The following IL1RAPL1 variants were observed in gnomAD, a reference collection of about 807,000 sequenced individuals.
IL1RAPL1 encodes the protein interleukin 1 receptor accessory protein like 1, also known as interleukin-1 receptor accessory protein-like 1.
IL1RAPL1 carries 3 observed loss-of-function variants against 48.4 expected under a neutral mutation model. The ratio of observed to expected loss-of-function variants is 0.06; its 90% confidence interval spans 0.03 to 0.16. The LOEUF (loss-of-function observed/expected upper bound fraction) is 0.16. IL1RAPL1 is among the 10% of genes least tolerant of loss of function. The pLI is 1.00. For synonymous variants in IL1RAPL1, 185 were observed against 187.7 expected (o/e 0.99, Z 0.12); for missense variants, 349 against 530.6 (o/e 0.66, Z 3.36).
intron 5 of IL1RAPL1, among the ~76,000 whole-genome samples, chrX:29,636,510 A>G (rs1364378368): frequency 8.9e-6 from 1 of 112,075 alleles, no homozygotes. Context: ...ATGCCTTATT[A>G]CAACATTAAT....
At chrX:29,892,277 G>A (rs778523683) in intron 6 of IL1RAPL1, among the ~76,000 whole-genome samples, 1 of 111,746 alleles carries the variant, frequency 8.9e-6, no homozygotes, top group East Asian at 2.8e-4. Flanking sequence ...TTGTTACCTT[G>A]TTTACTTGTG....
intron 2 of IL1RAPL1, among the ~76,000 whole-genome samples, chrX:29,025,364 C>G (rs1926461982): frequency 9.0e-6 from 1 of 111,423 alleles, no homozygotes; most frequent in African/African-American, 3.3e-5. Flanking sequence ...ACTTGGAGGA[C>G]CACATAGCCT....
chrX:29,348,044 T>C (rs1208635818), intron 3 of IL1RAPL1, among the ~76,000 whole-genome samples: 1 of 112,399 alleles, frequency 8.9e-6, no homozygotes, highest in Non-Finnish European at 1.9e-5. Flanking sequence ...ATTTCCCATT[T>C]AATATTGTTG....
chrX:29,782,020 G>T (rs1165026228), intron 6 of IL1RAPL1, among the ~76,000 whole-genome samples: 1 of 111,146 alleles, frequency 9.0e-6, no homozygotes, highest in Admixed American at 9.6e-5. Flanking sequence ...CTGATTGATT[G>T]GTTGTTTTAG....
chrX:29,910,381 A>G (rs919271222), intron 6 of IL1RAPL1, among the ~76,000 whole-genome samples: 1 of 109,370 alleles, frequency 9.1e-6, no homozygotes, highest in Non-Finnish European at 1.9e-5. Flanking sequence ...GAAAGTAAAA[A>G]TTTAAAAAAA....
chrX:28,832,822 A>ATTTT (rs199869467), intron 2 of IL1RAPL1, among the ~76,000 whole-genome samples: 11 of 80,384 alleles, frequency 1.4e-4, no homozygotes, highest in African/African-American at 5.4e-4. Flanking sequence ...ATTTTTTTCA[A>ATTTT]TTTTTTTTTT....
chrX:29,500,293 T>C (rs138239703), intron 5 of IL1RAPL1, among the ~76,000 whole-genome samples: 1,293 of 112,512 alleles, frequency 0.011, 16 homozygotes, highest in African/African-American at 0.04. Context: ...AATTATTCTT[T>C]TGTAGTTATT....
intron 2 of IL1RAPL1, among the ~76,000 whole-genome samples, chrX:28,838,483 C>G (rs1424492903): frequency 9.0e-6 from 1 of 110,560 alleles, no homozygotes; most frequent in Non-Finnish European, 1.9e-5. Context: ...AACAAAGATG[C>G]AGAAAAGAGA....
intron 6 of IL1RAPL1, among the ~76,000 whole-genome samples, chrX:29,732,019 T>C (rs1263134155): frequency 8.9e-6 from 1 of 112,181 alleles, no homozygotes; most frequent in Non-Finnish European, 1.9e-5. Context: ...ATATATAGTA[T>C]TGACTTCTGA....
At chrX:29,866,950 T>C (rs1483644256) in intron 6 of IL1RAPL1, among the ~76,000 whole-genome samples, 1 of 110,800 alleles carries the variant, frequency 9.0e-6, no homozygotes, top group Non-Finnish European at 1.9e-5. Context: ...ACAATGTGCA[T>C]AGTGCTTTAT....
intron 3 of IL1RAPL1, among the ~76,000 whole-genome samples, chrX:29,340,768 C>T (rs1933062585): frequency 8.9e-6 from 1 of 111,893 alleles, no homozygotes; most frequent in Non-Finnish European, 1.9e-5. Flanking sequence ...ATCTAAGCAA[C>T]ATAACACAAG....
intron 1 of IL1RAPL1, among the ~76,000 whole-genome samples, chrX:28,710,124 T>C (rs1392984951): frequency 9.0e-6 from 1 of 111,154 alleles, no homozygotes; most frequent in Non-Finnish European, 1.9e-5. Flanking sequence ...GAAACACTTA[T>C]GGAAGCCTCA....
At chrX:29,041,307 A>G (rs1926841052) in intron 2 of IL1RAPL1, among the ~76,000 whole-genome samples, 1 of 111,649 alleles carries the variant, frequency 9.0e-6, no homozygotes, top group African/African-American at 3.3e-5. Flanking sequence ...TTTACTCTCA[A>G]CTTTATTGCT....
At chrX:28,969,853 G>A (rs867983739) in intron 2 of IL1RAPL1, among the ~76,000 whole-genome samples, 2 of 86,387 alleles carry the variant, frequency 2.3e-5, no homozygotes, top group African/African-American at 4.4e-5. Flanking sequence ...AAACATATAT[G>A]TTTCTAAACA....
chrX:28,788,472 CTTCTTCT>C (rs770657971), intron 1 of IL1RAPL1, among the ~76,000 whole-genome samples: 14 of 110,335 alleles, frequency 1.3e-4, no homozygotes, highest in Non-Finnish European at 2.3e-4. Flanking sequence ...GTTGTTTCTT[CTTCTTCT>C]TTCTTCTTTC....
At chrX:28,732,365 A>G (rs1264220156) in intron 1 of IL1RAPL1, among the ~76,000 whole-genome samples, 1 of 111,871 alleles carries the variant, frequency 8.9e-6, no homozygotes, top group Non-Finnish European at 1.9e-5. Flanking sequence ...TGGAAGAACA[A>G]TCGAAATTTA....
chrX:29,239,351 G>T (rs1931364360), intron 2 of IL1RAPL1, among the ~76,000 whole-genome samples: 2 of 112,248 alleles, frequency 1.8e-5, no homozygotes, highest in Admixed American at 1.9e-4. Flanking sequence ...TTAAAAATAT[G>T]ATATTTTTTA....
chrX:29,134,093 G>GA (rs991819288), intron 2 of IL1RAPL1, among the ~76,000 whole-genome samples: 3 of 111,181 alleles, frequency 2.7e-5, no homozygotes, highest in African/African-American at 9.8e-5. Context: ...TTAACCTGTT[G>GA]AAAAATGGCT....
intron 6 of IL1RAPL1, among the ~76,000 whole-genome samples, chrX:29,810,505 A>C (rs982492230): frequency 1.8e-5 from 2 of 111,397 alleles, no homozygotes; most frequent in Non-Finnish European, 3.8e-5. Flanking sequence ...CCTTTTATTT[A>C]TCCTTTTTCA....
Sources: allele counts gnomAD v4.1 joint callset (sites outside exome capture counted in the v4.1 genomes callset), GRCh38; gene constraint gnomAD v4.1.1; transcripts MANE v1.5; gene names NCBI Gene and HGNC (gene_info 2026-07-23, HGNC 2026-07-21).